The following ADAMTSL1 variants were observed in gnomAD, a reference collection of about 807,000 sequenced individuals.
ADAMTSL1 encodes the protein ADAMTS like 1.
Under a neutral mutation model 201.8 loss-of-function variants are expected in ADAMTSL1, and 126 were observed. That is an observed-to-expected ratio of 0.62 (90% CI 0.54 to 0.72). The LOEUF is 0.72. Ranked by LOEUF, ADAMTSL1 falls within the 30% of genes least tolerant of loss-of-function variation. The pLI, the probability that ADAMTSL1 is intolerant of heterozygous loss-of-function variation, is 0.00. For missense variants in ADAMTSL1, 2,679 were observed against 2,277.8 expected, an observed-to-expected ratio of 1.18 and a Z score of -3.59; for synonymous variants, 1,121 against 903.4, an observed-to-expected ratio of 1.24 and a Z score of -4.32.
chr9:18,250,785 G>A (rs1034803849), intron 2 of ADAMTSL1, among the ~76,000 whole-genome samples: 2 of 152,238 alleles, frequency 1.3e-5, no homozygotes, highest in South Asian at 4.1e-4. Flanking sequence ...CATGTTCGAG[G>A]CTCCTCATTC....
chr9:18,177,513 A>C (rs1004824940), intron 2 of ADAMTSL1, among the ~76,000 whole-genome samples: 2 of 152,154 alleles, frequency 1.3e-5, no homozygotes, highest in African/African-American at 4.8e-5. Context: ...AACTTTCCAG[A>C]GATAGAAATT....
At chr9:18,897,578 C>T (rs1829724674) in intron 26 of ADAMTSL1, among the ~76,000 whole-genome samples, 1 of 152,170 alleles carries the variant, frequency 6.6e-6, no homozygotes, top group Non-Finnish European at 1.5e-5. Context: ...AGGGGAAAAC[C>T]TAGGCAACTA....
intron 1 of ADAMTSL1, among the ~76,000 whole-genome samples, chr9:17,967,746 G>A (rs1411625229): frequency 6.6e-6 from 1 of 151,940 alleles, no homozygotes; most frequent in Non-Finnish European, 1.5e-5. Context: ...TATTGAGGAT[G>A]GTAACTGCTT....
chr9:18,044,907 T>C (rs189192634), intron 1 of ADAMTSL1, among the ~76,000 whole-genome samples: 1 of 152,290 alleles, frequency 6.6e-6, no homozygotes, highest in East Asian at 1.9e-4. Flanking sequence ...GTTTTATTCT[T>C]TTTCAATTAC....
chr9:18,005,391 T>G (rs1563944879), intron 1 of ADAMTSL1, among the ~76,000 whole-genome samples: 1 of 152,010 alleles, frequency 6.6e-6, no homozygotes, highest in Non-Finnish European at 1.5e-5. Context: ...AAATACATTA[T>G]CATATTTAAT....
intron 2 of ADAMTSL1, among the ~76,000 whole-genome samples, chr9:18,506,456 T>C (rs919145356): frequency 2.0e-5 from 3 of 152,224 alleles, no homozygotes; most frequent in Admixed American, 6.5e-5. Context: ...AATTTTCATA[T>C]TGTCTCAGTG....
intron 2 of ADAMTSL1, among the ~76,000 whole-genome samples, chr9:18,413,432 T>G (rs1490215002): frequency 2.0e-5 from 3 of 152,166 alleles, no homozygotes; most frequent in Non-Finnish European, 4.4e-5. Context: ...CCCAAACTGG[T>G]GGGATAACAG....
At chr9:18,648,569 T>G (rs2132885844) in intron 7 of ADAMTSL1, among the ~76,000 whole-genome samples, 1 of 151,626 alleles carries the variant, frequency 6.6e-6, no homozygotes, top group South Asian at 2.1e-4. Flanking sequence ...AGGAGCTCTT[T>G]TAGGGCAGGC....
intron 2 of ADAMTSL1, among the ~76,000 whole-genome samples, chr9:18,207,865 AAT>A (rs1829718895): frequency 6.6e-6 from 1 of 150,570 alleles, no homozygotes; most frequent in Non-Finnish European, 1.5e-5. Flanking sequence ...AGAGGATATA[AAT>A]ATAGAGTACT....
chr9:18,873,102 T>C (rs1827959644), intron 23 of ADAMTSL1, among the ~76,000 whole-genome samples: 1 of 152,232 alleles, frequency 6.6e-6, no homozygotes, highest in Non-Finnish European at 1.5e-5. Flanking sequence ...AAAAGTTTGT[T>C]GGCCATTTGT....
At chr9:18,795,345 A>T in intron 19 of ADAMTSL1, 52 bp from the exon 20 acceptor site, 34 of 1,607,592 alleles carry the variant, frequency 2.1e-5, no homozygotes, top group Non-Finnish European at 2.2e-5. Context: ...TTGAATGCCA[A>T]AAAGGAGTCA....
chr9:18,105,253 G>A (rs190969861), intron 1 of ADAMTSL1, among the ~76,000 whole-genome samples: 25 of 152,280 alleles, frequency 1.6e-4, no homozygotes, highest in Admixed American at 1.4e-3. Context: ...TGATCCACAA[G>A]TGTTAATTAT....
At chr9:18,812,043 TTAATC>T (rs957350212) in intron 20 of ADAMTSL1, among the ~76,000 whole-genome samples, 2 of 152,208 alleles carry the variant, frequency 1.3e-5, no homozygotes, top group Non-Finnish European at 2.9e-5. Context: ...ATATACATGT[TTAATC>T]TAATTCCTGT....
At chr9:18,876,329 T>TGTGTGTGTGTGTGC (rs901063156) in intron 23 of ADAMTSL1, among the ~76,000 whole-genome samples, 149 of 151,242 alleles carry the variant, frequency 9.9e-4, no homozygotes, top group African/African-American at 3.4e-3. Flanking sequence ...TGTGTGTGTG[T>TGTGTGTGTGTGTGC]GCGTGATTGT....
chr9:18,221,999 C>A (rs1307677204), intron 2 of ADAMTSL1, among the ~76,000 whole-genome samples: 1 of 151,942 alleles, frequency 6.6e-6, no homozygotes, highest in Non-Finnish European at 1.5e-5. Context: ...AGATTTGTAT[C>A]TTCCCGAGTC....
At chr9:18,018,954 A>G (rs1276807139) in intron 1 of ADAMTSL1, among the ~76,000 whole-genome samples, 1 of 152,092 alleles carries the variant, frequency 6.6e-6, no homozygotes, top group Non-Finnish European at 1.5e-5. Context: ...GAAACTAGAA[A>G]TGCTGTAGTA....
intron 2 of ADAMTSL1, among the ~76,000 whole-genome samples, chr9:18,447,887 A>G (rs543692859): frequency 6.6e-6 from 1 of 152,322 alleles, no homozygotes; most frequent in African/African-American, 2.4e-5. Flanking sequence ...GCAGGTGTCG[A>G]GCACACATGG....
chr9:18,182,028 T>G (rs1828503415), intron 2 of ADAMTSL1, among the ~76,000 whole-genome samples: 1 of 151,528 alleles, frequency 6.6e-6, no homozygotes, highest in African/African-American at 2.4e-5. Context: ...CTCAGTAAAC[T>G]ATTGCAAGAA....
intron 1 of ADAMTSL1, among the ~76,000 whole-genome samples, chr9:17,964,775 T>C (rs1817912892): frequency 6.6e-6 from 1 of 152,198 alleles, no homozygotes; most frequent in Non-Finnish European, 1.5e-5. Flanking sequence ...CACAGTGATC[T>C]AAACATTAAA....
Sources: allele counts gnomAD v4.1 joint callset (sites outside exome capture counted in the v4.1 genomes callset), GRCh38; gene constraint gnomAD v4.1.1; transcripts MANE v1.5; gene names NCBI Gene and HGNC (gene_info 2026-07-23, HGNC 2026-07-21).